The following RBFOX1 variants were observed in gnomAD, a reference collection of about 807,000 sequenced individuals.
RBFOX1 encodes the protein RNA binding protein fox-1 homolog 1.
In RBFOX1, 8 loss-of-function variants were observed where a neutral mutation model predicts 57.7. The observed-to-expected ratio is 0.14, with a 90% CI of 0.08 to 0.25. The LOEUF is 0.25. RBFOX1 is among the 10% of genes least tolerant of loss of function. RBFOX1 has a pLI of 1.00. For missense variants in RBFOX1, 611 were observed against 548.5 expected, an observed-to-expected ratio of 1.11 and a Z score of -1.14; for synonymous variants, 326 against 222.4, an observed-to-expected ratio of 1.47 and a Z score of -4.15.
chr16:6,349,955 C>T (rs531731987), intron 2 of RBFOX1, among the ~76,000 whole-genome samples: 4 of 152,218 alleles, frequency 2.6e-5, no homozygotes, highest in African/African-American at 9.6e-5. Context: ...CTGGAGATTT[C>T]CATGGTGAAT....
At position 7,134,844 on chromosome 16, in the gene RBFOX1, T is replaced by C. The variant is rs182310405; in HGVS notation, c.27+82746T>C. On this transcript the variant is annotated intron_variant, in intron 4 of 15. Coordinates refer to ENST00000550418, the MANE Select transcript of RBFOX1 (RefSeq NM_018723.4). ...GATAATGTTTGTGATGGTTACAGTT[T>C]TAATGCACATATGTCAGTGGACCTG... is the stretch of plus-strand genomic sequence containing the variant. 3.3e-4 allele frequency among the ~76,000 whole-genome samples: 51 copies of C among 152,326 alleles called. 1 individual carries two copies. The highest frequency in any genetic ancestry group is 2.9e-3 in the Admixed American group (45 of 15,302).
At chr16:7,036,857 T>C (rs944796086) in intron 3 of RBFOX1, among the ~76,000 whole-genome samples, 1 of 152,196 alleles carries the variant, frequency 6.6e-6, no homozygotes, top group African/African-American at 2.4e-5. Context: ...GAGGAGCCCC[T>C]CATCAGAGTG....
intron 3 of RBFOX1, among the ~76,000 whole-genome samples, chr16:6,779,547 T>A (rs1203117786): frequency 6.6e-6 from 1 of 150,616 alleles, no homozygotes; most frequent in Non-Finnish European, 1.5e-5. Flanking sequence ...GTGAGACTGC[T>A]AAATTATGTT....
At chr16:7,128,818 CTTTTT>C (rs759893956) in intron 4 of RBFOX1, among the ~76,000 whole-genome samples, 33,669 of 126,842 alleles carry the variant, frequency 0.27, 4,243 homozygotes, top group Non-Finnish European at 0.29. Flanking sequence ...TTTCTTTTTA[CTTTTT>C]TTTTTTTTTT....
chr16:6,971,942 C>T (rs531606091), intron 3 of RBFOX1, among the ~76,000 whole-genome samples: 4 of 152,136 alleles, frequency 2.6e-5, no homozygotes, highest in African/African-American at 4.8e-5. Flanking sequence ...ACTTGAGATG[C>T]GGGAGAATGT....
intron 3 of RBFOX1, among the ~76,000 whole-genome samples, chr16:5,651,353 G>T (rs372580235): frequency 6.6e-6 from 1 of 151,860 alleles, no homozygotes; most frequent in African/African-American, 2.4e-5. Flanking sequence ...ATGCCCAGCC[G>T]GAATCCTAGC....
At chr16:5,351,250 T>C (rs1006037928) in intron 1 of RBFOX1, among the ~76,000 whole-genome samples, 4 of 152,228 alleles carry the variant, frequency 2.6e-5, no homozygotes, top group African/African-American at 9.6e-5. Flanking sequence ...GTTGCTTCAA[T>C]AAATAATATG....
At chr16:6,649,000 A>C (rs2098555426) in intron 2 of RBFOX1, among the ~76,000 whole-genome samples, 1 of 152,090 alleles carries the variant, frequency 6.6e-6, no homozygotes, top group Admixed American at 6.5e-5. Flanking sequence ...AATTTTCAAG[A>C]TTACAACATG....
chr16:6,712,555 C>G (rs575065106), intron 3 of RBFOX1, among the ~76,000 whole-genome samples: 2 of 152,110 alleles, frequency 1.3e-5, no homozygotes, highest in Non-Finnish European at 2.9e-5. Flanking sequence ...TTCTGAAACT[C>G]AACACCCAAG....
At chr16:5,919,637 T>C (rs929608760) in intron 4 of RBFOX1, among the ~76,000 whole-genome samples, 1 of 152,006 alleles carries the variant, frequency 6.6e-6, no homozygotes, top group Admixed American at 6.6e-5. Context: ...TTATATAATA[T>C]AAAGTTAACC....
At chr16:5,356,981 A>G (rs772301435) in intron 1 of RBFOX1, among the ~76,000 whole-genome samples, 1 of 152,214 alleles carries the variant, frequency 6.6e-6, no homozygotes, top group Non-Finnish European at 1.5e-5. Flanking sequence ...TGAAGTAGGT[A>G]CTATTACTTA....
chr16:7,463,272 G>A (rs899692629), intron 4 of RBFOX1, among the ~76,000 whole-genome samples: 1 of 152,152 alleles, frequency 6.6e-6, no homozygotes, highest in Admixed American at 6.5e-5. Context: ...GGGAGGCCAT[G>A]GTGTGTGGAT....
At chr16:5,701,660 C>G (rs1175860695) in intron 3 of RBFOX1, among the ~76,000 whole-genome samples, 3 of 152,148 alleles carry the variant, frequency 2.0e-5, no homozygotes, top group African/African-American at 2.4e-5. Flanking sequence ...TCTCAAACTT[C>G]TGGCCTAAAA....
intron 3 of RBFOX1, among the ~76,000 whole-genome samples, chr16:6,928,469 C>G (rs1440382689): frequency 1.3e-5 from 2 of 152,116 alleles, no homozygotes; most frequent in Non-Finnish European, 2.9e-5. Context: ...GAGGAAAGAA[C>G]GTTCAACTCA....
In RBFOX1 at chr16:6,680,358, G is replaced by A. The variant is rs1568185279; in HGVS notation, c.-16+25708G>A. Reference sequence around the variant, plus strand: ...GCTCACTGCAAGCTCCGCCTCCCGGGTTCACGCCATTCTCCTGCCTCAGCC... The same window carrying A: ...GCTCACTGCAAGCTCCGCCTCCCGGATTCACGCCATTCTCCTGCCTCAGCC... On this transcript the variant is annotated intron_variant, in intron 3 of 15. Transcript: ENST00000550418. Among the ~76,000 whole-genome samples, 3 of 144,398 alleles carry A rather than the reference G, an allele frequency of 2.1e-5. 1 individual carries two copies. In the South Asian group the frequency reaches 6.6e-4, roughly 32 times the overall value. The allele number at this position is 144,398 out of a possible 152,430, so 94.7% of individuals were successfully genotyped here. A position where few individuals can be genotyped will look rare whatever the true frequency, so the allele number is the denominator to read the frequency against.
rs532319051 is a variant in RBFOX1, at chr16:5,625,601, C to A, written c.318+26640C>A. 1.6e-3 allele frequency among the ~76,000 whole-genome samples: 234 copies of A among 150,328 alleles called. 1 individual carries two copies. Among genetic ancestry groups the A allele is most frequent in the African/African-American group, 5.2e-3 (214 of 41,038 alleles). On this transcript the variant is annotated intron_variant, in intron 3 of 19. Coordinates refer to the RBFOX1 transcript ENST00000641259. ...GAGATGGAGTTTTGCTCTGTCACCC[C>A]GGCTCGAGTATGGTGGTGCAATCTT...
At chr16:6,918,733 A>G (rs1306415711) in intron 3 of RBFOX1, among the ~76,000 whole-genome samples, 1 of 152,158 alleles carries the variant, frequency 6.6e-6, no homozygotes, top group Non-Finnish European at 1.5e-5. Flanking sequence ...TGCAGACAAC[A>G]TGAAGCGGCA....
chr16:7,659,121 T>C (rs1219343737), intron 12 of RBFOX1, among the ~76,000 whole-genome samples: 1 of 152,232 alleles, frequency 6.6e-6, no homozygotes, highest in Non-Finnish European at 1.5e-5. Flanking sequence ...TTTCTGCCCT[T>C]TCTCAGGTAA....
At chr16:6,620,286 C>G (rs1300058963) in intron 2 of RBFOX1, among the ~76,000 whole-genome samples, 1 of 152,142 alleles carries the variant, frequency 6.6e-6, no homozygotes, top group African/African-American at 2.4e-5. Context: ...TCAAGAAGTT[C>G]TTTGAAACTA....
Sources: gnomAD v4.1 joint callset for allele counts (sites outside exome capture counted in the v4.1 genomes callset) on GRCh38, gnomAD v4.1.1 for gene constraint, MANE v1.5 for transcripts, NCBI Gene and HGNC (gene_info 2026-07-23, HGNC 2026-07-21) for gene names.